Variants in FBXO34 observed in about 807,000 individuals in gnomAD.
FBXO34 encodes the protein F-box only protein 34.
A neutral mutation model predicts 24.5 loss-of-function variants in FBXO34; 12 were observed. The observed-to-expected ratio is 0.49, with a 90% confidence interval of 0.31 to 0.79. The LOEUF is 0.79. FBXO34 is among the 30% of genes least tolerant of loss of function. The pLI is 0.04. For synonymous variants in FBXO34, 320 were observed against 311.9 expected (o/e 1.03, Z -0.27); for missense variants, 823 against 857.7 (o/e 0.96, Z 0.51).
intron 1 of FBXO34, among the ~76,000 whole-genome samples, chr14:55,307,807 G>C (rs754873422): frequency 1.3e-5 from 2 of 152,068 alleles, no homozygotes; most frequent in African/African-American, 2.4e-5. Context: ...TTAAGAGAAG[G>C]GGACTGACAT....
At chr14:55,305,440 C>T (rs113271650) in intron 1 of FBXO34, among the ~76,000 whole-genome samples, 1,683 of 150,984 alleles carry the variant, frequency 0.011, 15 homozygotes, top group Middle Eastern at 0.027. Context: ...AGTCTTAGTC[C>T]GGGTGCGGTG....
At chr14:55,323,218 A>AAT (rs1555337921) in intron 1 of FBXO34, among the ~76,000 whole-genome samples, 880 of 31,584 alleles carry the variant, frequency 0.028, 58 homozygotes, top group South Asian at 0.042. Flanking sequence ...AAAAAAAAAA[A>AAT]ATATATATTT....
chr14:55,402,926 A>ACAT, the FBXO34 span, among the ~76,000 whole-genome samples: 1 of 16,398 alleles, frequency 6.1e-5, no homozygotes, highest in African/African-American at 2.6e-4. Context: ...AAAAAAAAAA[A>ACAT]ATATATATAT....
chr14:55,350,697 G>A lies in FBXO34; in HGVS notation c.307G>A (p.Gly103Arg). Reference protein sequence around the residue: ...SATIHQGEEEGPLDIWAVVKP... With the variant: ...SATIHQGEEERPLDIWAVVKP... ...AACGATCCACCAGGGCGAAGAAGAAGGACCACTTGATATCTGGGCTGTTGT... is the reference window on the plus strand; with the variant it reads ...AACGATCCACCAGGGCGAAGAAGAAAGACCACTTGATATCTGGGCTGTTGT... Residue 103 changes from glycine to arginine, a missense_variant, in exon 2 of 2, where the codon GGA (glycine) becomes AGA (arginine). This residue lies in a region of FBXO34 where 693 missense variants were observed against 659.1 expected (regional missense o/e 1.05). Coordinates refer to ENST00000313833, the MANE Select transcript of FBXO34 (RefSeq NM_017943.4). 6.2e-7 allele frequency: 1 copy of A among 1,613,404 alleles called. No homozygotes were observed. Among genetic ancestry groups the A allele is most frequent in the South Asian group, 1.1e-5 (1 of 90,948 alleles).
intron 1 of FBXO34, among the ~76,000 whole-genome samples, chr14:55,316,544 T>C (rs952497682): frequency 4.4e-5 from 6 of 137,918 alleles, no homozygotes; most frequent in Non-Finnish European, 7.7e-5. Context: ...CTGGGCAACA[T>C]GGCAAAACCC....
chr14:55,288,576 A>G (rs956888491), intron 1 of FBXO34, among the ~76,000 whole-genome samples: 5 of 152,212 alleles, frequency 3.3e-5, no homozygotes, highest in Non-Finnish European at 5.9e-5. Flanking sequence ...ATTTTATTTC[A>G]GTCTGATTCA....
intron 1 of FBXO34, among the ~76,000 whole-genome samples, chr14:55,293,331 C>T (rs1882009298): frequency 6.6e-6 from 1 of 152,066 alleles, no homozygotes; most frequent in Non-Finnish European, 1.5e-5. Flanking sequence ...GTGTGTGCCA[C>T]CACACCCAGC....
At chr14:55,304,472 A>G (rs1402770339) in intron 1 of FBXO34, among the ~76,000 whole-genome samples, 2 of 149,320 alleles carry the variant, frequency 1.3e-5, no homozygotes, top group Non-Finnish European at 1.5e-5. Flanking sequence ...GATTATAGGC[A>G]TGAGCCATAG....
chr14:55,389,583 G>C, the FBXO34 span, among the ~76,000 whole-genome samples: 215 of 152,320 alleles, frequency 1.4e-3, no homozygotes, highest in African/African-American at 4.8e-3. Context: ...CACGAGGTCT[G>C]ATGGTGACTC....
chr14:55,368,627 AAG>A (rs1220811002), downstream of FBXO34: 1 of 152,110 alleles, frequency 6.6e-6, no homozygotes, highest in Non-Finnish European at 1.5e-5. Flanking sequence ...CAGAGCAACA[AAG>A]AGTTCGGGGA....
At chr14:55,429,049 T>C in the FBXO34 span, 1 of 1,539,670 alleles carries the variant, frequency 6.5e-7, no homozygotes, top group African/African-American at 1.4e-5. Context: ...TATTGGATTG[T>C]TACCATTTGT....
chr14:55,276,533 A>G (rs1881349068), intron 1 of FBXO34, among the ~76,000 whole-genome samples: 1 of 152,162 alleles, frequency 6.6e-6, no homozygotes, highest in Non-Finnish European at 1.5e-5. Flanking sequence ...TTTGAGACGA[A>G]TTAAGAGTCC....
chr14:55,364,350 A>G (rs934236963), downstream of FBXO34, among the ~76,000 whole-genome samples: 2 of 152,152 alleles, frequency 1.3e-5, no homozygotes, highest in Non-Finnish European at 2.9e-5. Flanking sequence ...CACAACAAAA[A>G]AGTCATTGAT....
At chr14:55,363,443 T>C (rs975720485), downstream of FBXO34, among the ~76,000 whole-genome samples, 1 of 152,104 alleles carries the variant, frequency 6.6e-6, no homozygotes, top group Non-Finnish European at 1.5e-5. Context: ...TCTTTCCACC[T>C]CAGCTTCCCG....
chr14:55,385,271 C>A, the FBXO34 span, among the ~76,000 whole-genome samples: 1 of 152,082 alleles, frequency 6.6e-6, no homozygotes, highest in Non-Finnish European at 1.5e-5. Context: ...CCAATACCAC[C>A]CATCAGATGG....
chr14:55,383,563 A>C, the FBXO34 span, among the ~76,000 whole-genome samples: 1 of 152,028 alleles, frequency 6.6e-6, no homozygotes, highest in South Asian at 2.1e-4. Flanking sequence ...AAAAACACAA[A>C]AAAACAAAAC....
At chr14:55,424,339 A>G in the FBXO34 span, 1 of 791,370 alleles carries the variant, frequency 1.3e-6, no homozygotes, top group Non-Finnish European at 2.1e-6. Flanking sequence ...ATTAAAGTGC[A>G]TATTAAAGCA....
chr14:55,281,890 C>T, intron 1 of FBXO34, among the ~76,000 whole-genome samples: 1 of 151,588 alleles, frequency 6.6e-6, no homozygotes, highest in Non-Finnish European at 1.5e-5. Flanking sequence ...CTTAGCTTTT[C>T]CTTATCTTTA....
chr14:55,427,646 G>C, the FBXO34 span, among the ~76,000 whole-genome samples: 2 of 151,800 alleles, frequency 1.3e-5, no homozygotes, highest in African/African-American at 2.4e-5. Flanking sequence ...AAGGGGTTTG[G>C]TGTCCATGAG....
Sources: gnomAD v4.1 joint callset for allele counts (sites outside exome capture counted in the v4.1 genomes callset) on GRCh38, gnomAD v4.1.1 for gene constraint, gnomAD v4.1.1 regional missense constraint, MANE v1.5 for transcripts, NCBI Gene and HGNC (gene_info 2026-07-23, HGNC 2026-07-21) for gene names.